PCDHA8: variants seen among roughly 807,000 people sequenced by gnomAD.
The protein encoded by PCDHA8 is protocadherin alpha-8.
Under a neutral mutation model 61.8 loss-of-function variants are expected in PCDHA8, and 53 were observed. The observed-to-expected ratio is 0.86, with a 90% CI of 0.69 to 1.08. The LOEUF (loss-of-function observed/expected upper bound fraction) is 1.08. PCDHA8 is among the 50% of genes least tolerant of loss of function. The pLI is 0.00. For synonymous variants in PCDHA8, 618 were observed against 556.6 expected (o/e 1.11, Z -1.55); for missense variants, 1,293 against 1,245.0 (o/e 1.04, Z -0.58).
chr5:141,000,555 G>A (rs1395458694), intron 3 of PCDHA8, among the ~76,000 whole-genome samples: 1 of 148,762 alleles, frequency 6.7e-6, no homozygotes, highest in Non-Finnish European at 1.5e-5. Context: ...AAACTCCCGA[G>A]TAGCTGGGAT....
intron 1 of PCDHA8, chr5:140,927,274 G>T: frequency 6.2e-7 from 1 of 1,614,100 alleles, no homozygotes; most frequent in Non-Finnish European, 8.5e-7. Context: ...TCCTGCCGGC[G>T]ACGTGCAGCT....
At chr5:140,982,694 A>G in intron 3 of PCDHA8, 131 bp downstream of exon 3, 1 of 1,402,998 alleles carries the variant, frequency 7.1e-7, no homozygotes, top group Non-Finnish European at 9.4e-7. Flanking sequence ...TTCCATACAT[A>G]CATGATTTCC....
intron 3 of PCDHA8, among the ~76,000 whole-genome samples, chr5:141,000,194 G>A (rs2097896080): frequency 6.6e-6 from 1 of 151,746 alleles, no homozygotes; most frequent in South Asian, 2.1e-4. Context: ...TGTGAGAATA[G>A]TTTTTCACCT....
At chr5:140,850,446 G>A (rs2150484747) in intron 1 of PCDHA8, 1 of 1,598,030 alleles carries the variant, frequency 6.3e-7, no homozygotes, top group Non-Finnish European at 8.6e-7. Context: ...ACTGGTGCTG[G>A]TGAAAGACCA....
intron 1 of PCDHA8, among the ~76,000 whole-genome samples, chr5:140,945,769 T>C (rs1358082978): frequency 1.3e-5 from 2 of 152,036 alleles, no homozygotes; most frequent in Non-Finnish European, 2.9e-5. Flanking sequence ...TGGGACAATT[T>C]GATATCCAGA....
intron 3 of PCDHA8, among the ~76,000 whole-genome samples, chr5:140,999,763 T>C (rs1475737646): frequency 2.0e-5 from 3 of 152,200 alleles, no homozygotes; most frequent in African/African-American, 7.2e-5. Flanking sequence ...ACATGATGTC[T>C]TTATACTCTT....
chr5:140,845,841 A>C (rs1160077154), intron 1 of PCDHA8, among the ~76,000 whole-genome samples: 1 of 149,848 alleles, frequency 6.7e-6, no homozygotes, highest in African/African-American at 2.4e-5. Flanking sequence ...CATTCTTAAG[A>C]GAAAAGAAGT....
intron 3 of PCDHA8, among the ~76,000 whole-genome samples, chr5:141,008,708 T>G (rs1197464501): frequency 1.3e-5 from 2 of 152,210 alleles, no homozygotes; most frequent in African/African-American, 4.8e-5. Flanking sequence ...GGTTTCTAGT[T>G]GCTTGAGTGT....
chr5:140,911,234 C>T (rs1554194655), intron 1 of PCDHA8, among the ~76,000 whole-genome samples: 1 of 151,890 alleles, frequency 6.6e-6, no homozygotes, highest in East Asian at 1.9e-4. Context: ...TTTCTTCTGG[C>T]AAAAAAAGTT....
In PCDHA8 at chr5:140,982,557, A is replaced by G. The variant is rs199851685; in HGVS notation, c.2536A>G (p.Thr846Ala). 6.2e-7 allele frequency: 1 copy of G among 1,614,138 alleles called. No homozygotes were observed. The highest frequency in any genetic ancestry group is 1.7e-5 in the Admixed American group (1 of 60,030). The change falls in exon 3 of 4, where the codon ACA becomes GCA. Residue 846 changes from threonine (T) to alanine (A), a missense_variant. Physicochemically the swap from Thr to Ala is moderately conservative, Grantham distance 58. Transcript: ENST00000531613. ...GCAGTGGCCAACAGTATCCAGTGCAACACCAGGTAAAGAGCTGGGGTCTCT... is the reference window on the plus strand; with the variant it reads ...GCAGTGGCCAACAGTATCCAGTGCAGCACCAGGTAAAGAGCTGGGGTCTCT... Reference protein sequence around the residue: ...DQQWPTVSSATPEPEAGEVSP... With the variant: ...DQQWPTVSSAAPEPEAGEVSP...
intron 3 of PCDHA8, among the ~76,000 whole-genome samples, chr5:140,992,118 G>C (rs1554252679): frequency 1.3e-5 from 2 of 151,650 alleles, no homozygotes; most frequent in Non-Finnish European, 2.9e-5. Flanking sequence ...ATGTGTCATG[G>C]AAGAACAGTG....
intron 1 of PCDHA8, among the ~76,000 whole-genome samples, chr5:140,952,530 A>C (rs246033): frequency 0.56 from 85,631 of 151,920 alleles, 24,768 homozygotes; most frequent in African/African-American, 0.69. Flanking sequence ...ACCTCCTCAG[A>C]CTGGACTTCT....
chr5:140,858,114 T>C, intron 1 of PCDHA8: 1 of 1,597,256 alleles, frequency 6.3e-7, no homozygotes, highest in Non-Finnish European at 8.6e-7. Flanking sequence ...GCGCCCGAGG[T>C]GGCCCTGGTG....
chr5:140,904,955 G>A (rs1272284537), intron 1 of PCDHA8, among the ~76,000 whole-genome samples: 1 of 152,120 alleles, frequency 6.6e-6, no homozygotes, highest in Non-Finnish European at 1.5e-5. Context: ...TTTGTCTGAT[G>A]CAGAATTTGT....
intron 1 of PCDHA8, among the ~76,000 whole-genome samples, chr5:140,945,397 A>G (rs2093784345): frequency 6.6e-6 from 1 of 152,132 alleles, no homozygotes; most frequent in Admixed American, 6.5e-5. Context: ...TACAAATTCA[A>G]TACAATTCGT....
intron 1 of PCDHA8, among the ~76,000 whole-genome samples, chr5:140,937,785 G>A (rs962276976): frequency 7.3e-5 from 11 of 150,436 alleles, no homozygotes; most frequent in Non-Finnish European, 1.3e-4. Flanking sequence ...GGTGGCGGGC[G>A]TATGTAGTCC....
At position 140,967,456 on chromosome 5, in the gene PCDHA8, G is replaced by A. The variant is rs781877104; in HGVS notation, c.2395-11493G>A. On this transcript the variant is annotated intron_variant, in intron 1 of 3. Transcript: ENST00000531613. The stretch of plus-strand genomic sequence containing the variant: ...TGCACCACCTGGTTCTCACAGCCGT[G>A]GATGGGGGCATCCCAGCCCGCTCGG... 4.3e-6 allele frequency: 7 copies of A among 1,613,480 alleles called. No homozygotes were observed. The South Asian group carries it at 6.6e-5, about 15-fold the overall frequency.
At chr5:140,881,719 C>A (rs914788204) in intron 1 of PCDHA8, among the ~76,000 whole-genome samples, 3 of 152,104 alleles carry the variant, frequency 2.0e-5, no homozygotes, top group African/African-American at 7.2e-5. Context: ...GTGAGGAGGT[C>A]TTGAAAAATA....
At chr5:140,966,448 C>T (rs1198594007) in intron 1 of PCDHA8, 2 of 425,466 alleles carry the variant, frequency 4.7e-6, no homozygotes, top group Non-Finnish European at 8.2e-6. Context: ...TCCCTTTCCC[C>T]CTCCCCCTCT....
Sources: gnomAD v4.1 joint callset for allele counts (sites outside exome capture counted in the v4.1 genomes callset) on GRCh38, gnomAD v4.1.1 for gene constraint, MANE v1.5 for transcripts, NCBI Gene and HGNC (gene_info 2026-07-23, HGNC 2026-07-21) for gene names.